Variants in FCN1 observed in about 807,000 individuals in gnomAD.
The protein encoded by FCN1 is ficolin-1.
Under a neutral mutation model 35.6 loss-of-function variants are expected in FCN1, and 42 were observed. The observed-to-expected ratio is 1.18, with a 90% confidence interval of 0.92 to 1.53. The LOEUF (loss-of-function observed/expected upper bound fraction) is 1.53. Among genes scored for constraint, FCN1 ranks in the 40% most tolerant of loss-of-function variants. The pLI is 0.00. For missense variants in FCN1, 439 were observed against 428.4 expected, an observed-to-expected ratio of 1.02 and a Z score of -0.22; for synonymous variants, 179 against 169.8, an observed-to-expected ratio of 1.05 and a Z score of -0.42.
rs1830993791 is a variant in FCN1, at chr9:134,909,493, C to T, written c.*305G>A. Reference sequence around the variant, plus strand: ...AAGGGTCCTGACTCTTCCCGACTTACCAAATTCCAGGGAAAGACCTGCCGT... The same window carrying T: ...AAGGGTCCTGACTCTTCCCGACTTATCAAATTCCAGGGAAAGACCTGCCGT... On this transcript the variant is annotated 3_prime_UTR_variant, in exon 9 of 9. Transcript: ENST00000371806. 2.3e-6 allele frequency: 3 copies of T among 1,329,210 alleles called. No individual in the cohort carries two copies. Among genetic ancestry groups the T allele is most frequent in the Non-Finnish European group, 3.0e-6 (3 of 1,015,070 alleles). 82.3% of individuals were successfully genotyped at this position (1,329,210 alleles called of 1,614,324 possible).
chr9:134,905,348 C>T lies in FCN1; in HGVS notation c.*4450G>A, dbSNP rs886381920. Among the ~76,000 whole-genome samples the T allele has an allele frequency of 6.6e-6, 1 of 152,168 alleles. No homozygotes were observed. ...ATGGCCAGGAAGAAGAGCACTGGCC[C>T]AAGAGGAGGAGGGCTTGATTTCTTT... On this transcript the variant is annotated 3_prime_UTR_variant, in exon 9 of 9. Coordinates refer to ENST00000371806, the MANE Select transcript of FCN1 (RefSeq NM_002003.5).
chr9:134,916,958 G>A (rs1315460821), intron 1 of FCN1, among the ~76,000 whole-genome samples: 1 of 152,212 alleles, frequency 6.6e-6, no homozygotes, highest in African/African-American at 2.4e-5. Flanking sequence ...GAGGGGCAGT[G>A]TGGGGTCCAA....
chr9:134,912,309 G>C (rs938976607), intron 7 of FCN1, among the ~76,000 whole-genome samples, 177 bp downstream of exon 7: 1 of 152,166 alleles, frequency 6.6e-6, no homozygotes, highest in East Asian at 1.9e-4. Context: ...TTCCCTTCCC[G>C]ATGTTGCCAG....
Position 134,904,750 on chromosome 9 carries a change from A to G in FCN1, c.*5048T>C, listed in dbSNP as rs998611543. Among the ~76,000 whole-genome samples the G allele has an allele frequency of 6.6e-6, 1 of 152,170 alleles. No individual in the cohort carries two copies. Among genetic ancestry groups the G allele is most frequent in the Non-Finnish European group, 1.5e-5 (1 of 68,024 alleles). On this transcript the variant is annotated 3_prime_UTR_variant, in exon 9 of 9. Coordinates refer to ENST00000371806, the MANE Select transcript of FCN1 (RefSeq NM_002003.5). ...AGCTAAGGTCATACCGCTGCACTCCAGCCTGGGGGACAGAGTGAGACCCTG... is the reference window on the plus strand; with the variant it reads ...AGCTAAGGTCATACCGCTGCACTCCGGCCTGGGGGACAGAGTGAGACCCTG...
chr9:134,909,779 T>C lies in FCN1; in HGVS notation c.*19A>G, dbSNP rs755909203. ...TGGCCTCCCCACTAGCAGGTGCATG[T>C]GGAGGGGTCCTGGCCCGTCTAGGCG... On this transcript the variant is annotated 3_prime_UTR_variant, in exon 9 of 9. Coordinates refer to ENST00000371806, the MANE Select transcript of FCN1 (RefSeq NM_002003.5). The C allele has an allele frequency of 1.9e-6, 3 of 1,611,850 alleles. No homozygotes were observed. The highest frequency in any genetic ancestry group is 2.5e-6 in the Non-Finnish European group (3 of 1,179,814).
At position 134,913,129 on chromosome 9, in the gene FCN1, T is replaced by G; in HGVS notation, c.355A>C (p.Lys119Gln). 1 of 1,613,876 alleles carries G rather than the reference T, an allele frequency of 6.2e-7. No homozygotes were observed. Among genetic ancestry groups the G allele is most frequent in the Non-Finnish European group, 8.5e-7 (1 of 1,179,916 alleles). Residue 119 changes from lysine to glutamine, a missense_variant, in exon 6 of 9, where the codon AAG (lysine) becomes CAG (glutamine). Coordinates refer to ENST00000371806, the MANE Select transcript of FCN1 (RefSeq NM_002003.5). ...AAATACCCCCGGTCTAGCAGGTCCT[T>G]GCAGTTGCGTGGGCCTGGGAAGGGA... ...QSCATGPRNC[K>Q]DLLDRGYFLS...
chr9:134,911,029 G>T, intron 8 of FCN1, 104 bp downstream of exon 8: 1 of 1,162,616 alleles, frequency 8.6e-7, no homozygotes, highest in Non-Finnish European at 1.3e-6. Flanking sequence ...ATGGAGAAAT[G>T]GGATTCAGAG....
chr9:134,915,304 T>A (rs1346825478), intron 2 of FCN1, among the ~76,000 whole-genome samples: 2 of 152,116 alleles, frequency 1.3e-5, no homozygotes, highest in Non-Finnish European at 2.9e-5. Flanking sequence ...TCCACGTGGT[T>A]CTGGCCAGAA....
intron 1 of FCN1, 48 bp downstream of exon 1, chr9:134,917,720 TG>T (rs1588154363): frequency 8.2e-7 from 1 of 1,217,392 alleles, no homozygotes; most frequent in East Asian, 2.3e-5. Flanking sequence ...TGTCAGTGAG[TG>T]GGGTTGTTAC....
rs112792644 is a variant in FCN1, at chr9:134,913,286, G to T, written c.341-143C>A. The T allele has an allele frequency of 2.0e-3, 2,317 of 1,146,124 alleles. 65 individuals carry two copies. The South Asian group carries it at 0.032, about 16-fold the overall frequency. The allele number at this position is 1,146,124 out of a possible 1,614,324, so 71.0% of individuals were successfully genotyped here. A position where few individuals can be genotyped will look rare whatever the true frequency, so the allele number is the denominator to read the frequency against. ...GACTCCGAGGCCTGGACAGGGACACGGCCCCCAGGGCCACGCAGCTGTGAT... is the reference window on the plus strand; with the variant it reads ...GACTCCGAGGCCTGGACAGGGACACTGCCCCCAGGGCCACGCAGCTGTGAT... On this transcript the variant is annotated intron_variant, in intron 5 of 8. Transcript: ENST00000371806.
rs145419387 is a variant in FCN1 at position 134,915,013 on chromosome 9, C to T, written c.218-204G>A. On this transcript the variant is annotated intron_variant, in intron 2 of 8. Coordinates refer to ENST00000371806, the MANE Select transcript of FCN1 (RefSeq NM_002003.5). ...GGTGAGGGATTGAGGGAGGGGCCTG[C>T]ACCCCACCTTGGGCTCAAGGCAAGG... 1.1e-3 allele frequency among the ~76,000 whole-genome samples: 168 copies of T among 152,260 alleles called. 1 individual carries two copies. The highest frequency in any genetic ancestry group is 3.9e-3 in the African/African-American group (162 of 41,556).
At chr9:134,913,179 G>A (rs1192140155) in intron 5 of FCN1, 36 bp from the exon 6 acceptor site, 1 of 1,610,826 alleles carries the variant, frequency 6.2e-7, no homozygotes, top group Non-Finnish European at 8.5e-7. Context: ...TGCAGGACGG[G>A]GGCCCTGGGC....
intron 7 of FCN1, 119 bp from the exon 8 acceptor site, chr9:134,911,386 C>T: frequency 2.2e-6 from 2 of 889,420 alleles, no homozygotes; most frequent in Non-Finnish European, 1.7e-6. Flanking sequence ...CTCTTGTTGC[C>T]CAGGCTGGAG....
In FCN1 at chr9:134,909,126, AGGCCTCTTC is replaced by A. The variant is rs1830988273; in HGVS notation, c.*663_*671del. On this transcript the variant is annotated 3_prime_UTR_variant, in exon 9 of 9. Coordinates refer to ENST00000371806, the MANE Select transcript of FCN1 (RefSeq NM_002003.5). ...TAGCTGAGGTCTGTGTGTGGGAGGAAGGCCTCTTCGGAATCTTCTCTGTGCAGGTGGCTG... is the reference window on the plus strand; with the variant it reads ...TAGCTGAGGTCTGTGTGTGGGAGGAAGGAATCTTCTCTGTGCAGGTGGCTG... 1 of 1,071,050 alleles carries A rather than the reference AGGCCTCTTC, an allele frequency of 9.3e-7. No individual in the cohort carries two copies. Among genetic ancestry groups the A allele is most frequent in the African/African-American group, 1.6e-5 (1 of 61,058 alleles). The allele number at this position is 1,071,050 out of a possible 1,614,324, so 66.3% of individuals were successfully genotyped here. A position where few individuals can be genotyped will look rare whatever the true frequency, so the allele number is the denominator to read the frequency against.
In FCN1 at chr9:134,910,029, GC is replaced by G; in HGVS notation, c.749del (p.Gly250AlafsTer16). 4 of 1,614,058 alleles carry G rather than the reference GC, an allele frequency of 2.5e-6. No homozygotes were observed. Among genetic ancestry groups the G allele is most frequent in the Non-Finnish European group, 2.5e-6 (3 of 1,179,970 alleles). On this transcript the variant is annotated frameshift_variant, in exon 9 of 9. Transcript: ENST00000371806. LOFTEE classifies it low-confidence loss of function (END_TRUNC). ...VGGSAGNSLT[G>X]HNNNFFSTKD... ...TGGTGGAGAAGAAGTTGTTGTTGTG[GC>G]CCGTTAGAGAATTACCTGCTCACAG...
In FCN1 at chr9:134,909,499, T is replaced by A; in HGVS notation, c.*299A>T. On this transcript the variant is annotated 3_prime_UTR_variant, in exon 9 of 9. Transcript: ENST00000371806. The stretch of plus-strand genomic sequence containing the variant: ...CCTGACTCTTCCCGACTTACCAAAT[T>A]CCAGGGAAAGACCTGCCGTGCAACA... The A allele has an allele frequency of 7.5e-7, 1 of 1,335,142 alleles. No homozygotes were observed. Among genetic ancestry groups the A allele is most frequent in the Non-Finnish European group, 9.8e-7 (1 of 1,018,996 alleles). The allele number at this position is 1,335,142 out of a possible 1,614,324, so 82.7% of individuals were successfully genotyped here.
At chr9:134,917,614 C>T (rs1485479408) in intron 1 of FCN1, among the ~76,000 whole-genome samples, 155 bp downstream of exon 1, 1 of 152,198 alleles carries the variant, frequency 6.6e-6, no homozygotes, top group African/African-American at 2.4e-5. Context: ...GCCTCAGCTG[C>T]CCTGAGCCTC....
rs1428916713 is a variant in FCN1, at chr9:134,909,511, C to T, written c.*287G>A. 3.0e-6 allele frequency: 4 copies of T among 1,350,660 alleles called. No homozygotes were observed. The African/African-American group carries it at 5.9e-5, about 20-fold the overall frequency. The allele number at this position is 1,350,660 out of a possible 1,614,324, so 83.7% of individuals were successfully genotyped here. A position where few individuals can be genotyped will look rare whatever the true frequency, so the allele number is the denominator to read the frequency against. ...CGACTTACCAAATTCCAGGGAAAGA[C>T]CTGCCGTGCAACAGACACAGGAAAG... On this transcript the variant is annotated 3_prime_UTR_variant, in exon 9 of 9. Transcript: ENST00000371806.
rs1174724456 is a variant in FCN1, at chr9:134,908,704, G to A, written c.*1094C>T. 1 of 154,606 alleles carries A rather than the reference G, an allele frequency of 6.5e-6. No individual in the cohort carries two copies. The highest frequency in any genetic ancestry group is 1.4e-5 in the Non-Finnish European group (1 of 69,814). The allele number at this position is 154,606 out of a possible 1,614,324, so 9.6% of individuals were successfully genotyped here. A position where few individuals can be genotyped will look rare whatever the true frequency, so the allele number is the denominator to read the frequency against. ...GGGGCTGGAAAAGGCAAGGAAGCAG[G>A]TTCTCCCCTAGAACCCTGGAAGGAG... is the stretch of plus-strand genomic sequence containing the variant. On this transcript the variant is annotated 3_prime_UTR_variant, in exon 9 of 9. Coordinates refer to ENST00000371806, the MANE Select transcript of FCN1 (RefSeq NM_002003.5).
Sources: gnomAD v4.1 joint callset for allele counts (sites outside exome capture counted in the v4.1 genomes callset) on GRCh38, gnomAD v4.1.1 for gene constraint, MANE v1.5 for transcripts, NCBI Gene and HGNC (gene_info 2026-07-23, HGNC 2026-07-21) for gene names.